Variants in NRXN1 observed in about 807,000 individuals in gnomAD.
NRXN1 encodes the protein neurexin 1.
In NRXN1, 39 loss-of-function variants were observed where a neutral mutation model predicts 150.9. The observed-to-expected ratio is 0.26, with a 90% CI of 0.20 to 0.34. The LOEUF is 0.34. NRXN1 is among the 10% of genes least tolerant of loss of function. The pLI, the probability that NRXN1 is intolerant of heterozygous loss-of-function variation, is 1.00. For missense variants in NRXN1, 1,815 were observed against 1,949.9 expected, an observed-to-expected ratio of 0.93 and a Z score of 1.30; for synonymous variants, 924 against 757.0, an observed-to-expected ratio of 1.22 and a Z score of -3.62.
At chr2:50,617,873 T>A (rs1210685880) in intron 8 of NRXN1, among the ~76,000 whole-genome samples, 1 of 152,204 alleles carries the variant, frequency 6.6e-6, no homozygotes, top group African/African-American at 2.4e-5. Context: ...GAAACTGTTA[T>A]TTTAGATTAA....
chr2:50,828,677 C>A (rs1321148269), intron 5 of NRXN1, among the ~76,000 whole-genome samples: 1 of 151,088 alleles, frequency 6.6e-6, no homozygotes, highest in Non-Finnish European at 1.5e-5. Context: ...GGATGGCGGC[C>A]GGGAAGAGGT....
At chr2:50,251,000 T>C (rs1268967177) in intron 17 of NRXN1, among the ~76,000 whole-genome samples, 1 of 113,800 alleles carries the variant, frequency 8.8e-6, no homozygotes, top group Non-Finnish European at 1.9e-5. Flanking sequence ...TTATTACACA[T>C]TGCATATGTG....
intron 17 of NRXN1, among the ~76,000 whole-genome samples, chr2:50,399,789 T>TAAAAAAAAAA (rs562980355): frequency 9.9e-5 from 6 of 60,526 alleles, no homozygotes; most frequent in Non-Finnish European, 1.2e-4. Flanking sequence ...AGAGAACTGG[T>TAAAAAAAAAA]AAAAAAAAAA....
intron 17 of NRXN1, among the ~76,000 whole-genome samples, chr2:50,431,451 A>T (rs1323924320): frequency 6.6e-6 from 1 of 152,202 alleles, no homozygotes; most frequent in Non-Finnish European, 1.5e-5. Context: ...GCATTTTTCA[A>T]GATAAGAGAA....
intron 5 of NRXN1, among the ~76,000 whole-genome samples, chr2:50,873,980 A>T (rs971202193): frequency 1.3e-5 from 2 of 151,908 alleles, no homozygotes; most frequent in African/African-American, 4.8e-5. Context: ...AAATACCTTA[A>T]TTCAATTTAT....
At chr2:50,912,815 A>G (rs1396368415) in intron 5 of NRXN1, 1 of 151,466 alleles carries the variant, frequency 6.6e-6, no homozygotes, top group Non-Finnish European at 1.5e-5. Context: ...ACTGGAACCT[A>G]GCCTAATAAC....
At chr2:50,867,064 A>T (rs1677038888) in intron 5 of NRXN1, among the ~76,000 whole-genome samples, 1 of 151,968 alleles carries the variant, frequency 6.6e-6, no homozygotes, top group Non-Finnish European at 1.5e-5. Context: ...TAGTTTTCTA[A>T]GGAAGTTCAC....
intron 2 of NRXN1, among the ~76,000 whole-genome samples, chr2:50,986,245 C>A (rs146386154): frequency 1.5e-3 from 225 of 151,686 alleles, no homozygotes; most frequent in African/African-American, 5.2e-3. Context: ...ACTGGTAATG[C>A]AAATATAAAT....
chr2:50,570,131 G>A (rs1362218795), intron 8 of NRXN1, among the ~76,000 whole-genome samples: 1 of 152,006 alleles, frequency 6.6e-6, no homozygotes, highest in Admixed American at 6.6e-5. Context: ...ATTTTGGAGG[G>A]ATCTATAAGA....
intron 5 of NRXN1, among the ~76,000 whole-genome samples, chr2:50,799,073 T>C (rs572996174): frequency 6.6e-6 from 1 of 152,362 alleles, no homozygotes; most frequent in South Asian, 2.1e-4. Context: ...GCTGTCTATC[T>C]ATATGTGTAT....
At chr2:50,363,801 T>C (rs910850200) in intron 17 of NRXN1, among the ~76,000 whole-genome samples, 15 of 152,216 alleles carry the variant, frequency 9.9e-5, no homozygotes, top group Admixed American at 9.8e-4. Context: ...TTTATGTTTA[T>C]TGCAACACTA....
intron 18 of NRXN1, among the ~76,000 whole-genome samples, chr2:50,225,407 C>G (rs1243352988): frequency 2.0e-5 from 3 of 151,940 alleles, no homozygotes; most frequent in Non-Finnish European, 2.9e-5. Flanking sequence ...TAGTATTATA[C>G]ATTGTCAGTG....
At chr2:50,581,158 T>C (rs1185023605) in intron 8 of NRXN1, among the ~76,000 whole-genome samples, 1 of 152,190 alleles carries the variant, frequency 6.6e-6, no homozygotes, top group Non-Finnish European at 1.5e-5. Flanking sequence ...CTAAGGACAG[T>C]GATTTTTGTC....
chr2:50,637,404 A>G (rs1559056265), intron 5 of NRXN1: 3 of 152,160 alleles, frequency 2.0e-5, no homozygotes, highest in Non-Finnish European at 4.4e-5. Flanking sequence ...TGCATAGGAG[A>G]TAAGTTATTT....
chr2:50,584,894 C>T (rs942966654), intron 8 of NRXN1, among the ~76,000 whole-genome samples: 1 of 152,100 alleles, frequency 6.6e-6, no homozygotes, highest in African/African-American at 2.4e-5. Flanking sequence ...GTATCCCATA[C>T]ACAAAATAAA....
chr2:50,760,106 T>C (rs774015089), intron 5 of NRXN1, among the ~76,000 whole-genome samples: 2 of 151,914 alleles, frequency 1.3e-5, no homozygotes, highest in Non-Finnish European at 2.9e-5. Flanking sequence ...GCACACAGCC[T>C]GATCCTGTAC....
rs529127988 is a variant in NRXN1 at position 51,025,394 on chromosome 2, A to C, written c.772+2108T>G. Reference sequence around the variant, plus strand: ...ATACATCTAATTCTGCTTCTCTTTAACAAATTACTTTTTCCACTCTTAACT... The same window carrying C: ...ATACATCTAATTCTGCTTCTCTTTACCAAATTACTTTTTCCACTCTTAACT... On this transcript the variant is annotated intron_variant, in intron 2 of 22. Coordinates refer to ENST00000401669, the MANE Select transcript of NRXN1 (RefSeq NM_001330078.2). Among the ~76,000 whole-genome samples the C allele has an allele frequency of 2.0e-5, 3 of 152,288 alleles. No individual in the cohort carries two copies. The South Asian group carries it at 6.2e-4, about 32-fold the overall frequency.
At chr2:50,444,467 T>C (rs973976764) in intron 17 of NRXN1, among the ~76,000 whole-genome samples, 1 of 152,144 alleles carries the variant, frequency 6.6e-6, no homozygotes, top group African/African-American at 2.4e-5. Context: ...TTTACAGTCC[T>C]GCAGATGAGT....
At chr2:50,348,050 T>G (rs1486907924) in intron 17 of NRXN1, among the ~76,000 whole-genome samples, 1 of 152,160 alleles carries the variant, frequency 6.6e-6, no homozygotes, top group East Asian at 1.9e-4. Flanking sequence ...TACCCAATGG[T>G]TTAGATGTAA....
Sources: allele counts gnomAD v4.1 joint callset (sites outside exome capture counted in the v4.1 genomes callset), GRCh38; gene constraint gnomAD v4.1.1; transcripts MANE v1.5; gene names NCBI Gene and HGNC (gene_info 2026-07-23, HGNC 2026-07-21).